WARS2: variants seen among roughly 807,000 people sequenced by gnomAD.
WARS2 encodes tryptophanyl tRNA synthetase 2, mitochondrial.
WARS2 carries 28 observed loss-of-function variants against 36.5 expected under a neutral mutation model. That is an observed-to-expected ratio of 0.77 (90% CI 0.57 to 1.05). The LOEUF (loss-of-function observed/expected upper bound fraction) is 1.05, where lower values mean the gene tolerates loss of function less well. Among genes scored for constraint, WARS2 ranks in the 50% least tolerant of loss-of-function variants. The pLI is 0.00. For synonymous variants in WARS2, 174 were observed against 178.4 expected (o/e 0.98, Z 0.20); for missense variants, 435 against 456.8 (o/e 0.95, Z 0.44).
intron 1 of WARS2, among the ~76,000 whole-genome samples, chr1:119,130,085 A>G (rs1175573104): frequency 6.6e-6 from 1 of 152,200 alleles, no homozygotes; most frequent in African/African-American, 2.4e-5. Flanking sequence ...TCTACAGAGC[A>G]AAAGTGCTAG....
chr1:119,088,483 A>G (rs1181908170), intron 1 of WARS2, among the ~76,000 whole-genome samples: 1 of 151,398 alleles, frequency 6.6e-6, no homozygotes, highest in African/African-American at 2.4e-5. Context: ...AAAGGACTAA[A>G]AATGTGAAGA....
Position 119,076,607 on chromosome 1 carries a change from T to C in WARS2, c.91A>G (p.Lys31Glu). 1 of 1,614,004 alleles carries C rather than the reference T, an allele frequency of 6.2e-7. No individual in the cohort carries two copies. The change falls in exon 2 of 6, where the codon AAA becomes GAA. Residue 31 changes from lysine to glutamate, a missense_variant and splice_region_variant. Lys to Glu is a moderately conservative substitution (Grantham distance 56). Transcript: ENST00000235521. ...GAAAATACTCGCTTCTTGCTGTCTT[T>C]CTGGAACAAAGGAAAACAAGCATAT... The part of the protein sequence containing the change: ...KGSAAAPALQ[K>E]DSKKRVFSGI...
At chr1:119,082,394 T>C in intron 1 of WARS2, 1 of 985,458 alleles carries the variant, frequency 1.0e-6, no homozygotes, top group Non-Finnish European at 1.2e-6. Flanking sequence ...CTTCTTGTGA[T>C]GAAATTTAGC....
At chr1:119,072,688 G>A (rs587681484) in intron 2 of WARS2, among the ~76,000 whole-genome samples, 1 of 152,196 alleles carries the variant, frequency 6.6e-6, no homozygotes, top group East Asian at 1.9e-4. Flanking sequence ...GTCATTTTTG[G>A]GAGAGTCAGG....
At chr1:119,052,790 A>G (rs1314538948) in intron 2 of WARS2, among the ~76,000 whole-genome samples, 2 of 152,200 alleles carry the variant, frequency 1.3e-5, no homozygotes, top group Non-Finnish European at 2.9e-5. Flanking sequence ...CTTTCACATG[A>G]CATATTGGTA....
At chr1:119,108,999 T>C (rs1654434386) in intron 1 of WARS2, among the ~76,000 whole-genome samples, 3 of 151,996 alleles carry the variant, frequency 2.0e-5, no homozygotes, top group Non-Finnish European at 4.4e-5. Context: ...GTTTGTTGTT[T>C]AATCATCAAG....
intron 1 of WARS2, chr1:119,085,456 C>G: frequency 6.6e-7 from 1 of 1,519,326 alleles, no homozygotes; most frequent in South Asian, 1.2e-5. Context: ...GTCTCTTTTT[C>G]TTTTTTTCCT....
chr1:119,045,891 T>C (rs1648767397), intron 2 of WARS2, among the ~76,000 whole-genome samples: 1 of 152,158 alleles, frequency 6.6e-6, no homozygotes. Context: ...TTAAGTCTAC[T>C]CCACAATACC....
intron 1 of WARS2, chr1:119,084,982 A>C: frequency 3.9e-6 from 2 of 514,108 alleles, no homozygotes; most frequent in Non-Finnish European, 3.6e-6. Context: ...AAATCTACCG[A>C]GCAGCTGAAC....
intron 1 of WARS2, among the ~76,000 whole-genome samples, chr1:119,135,188 T>C (rs1281510771): frequency 6.6e-6 from 1 of 152,218 alleles, no homozygotes; most frequent in Non-Finnish European, 1.5e-5. Context: ...ATCCATCATA[T>C]GTGGTCCTGA....
In WARS2 at chr1:119,042,338, G is replaced by C; in HGVS notation, c.441C>G (p.Thr147=). ...CCACCGTGCCATCGTGCTTCTGCTT[G>C]GTAGTCTTTGCCTGTGAGAGGTGAA... ...QHLHQWKAKT[T]KQKHDGTVGL... is the part of the protein sequence containing the mutation. Residue 147 remains threonine (T), a synonymous_variant, in exon 4 of 6, where the codon ACC becomes ACG. Coordinates refer to ENST00000235521, the MANE Select transcript of WARS2 (RefSeq NM_015836.4). 6.2e-7 allele frequency: 1 copy of C among 1,613,668 alleles called. No homozygotes were observed. The highest frequency in any genetic ancestry group is 8.5e-7 in the Non-Finnish European group (1 of 1,179,814).
chr1:119,099,150 T>C (rs963548703), intron 1 of WARS2, among the ~76,000 whole-genome samples: 1 of 152,204 alleles, frequency 6.6e-6, no homozygotes, highest in South Asian at 2.1e-4. Flanking sequence ...AGAGTATACA[T>C]TGAACTTATA....
chr1:119,105,645 C>T (rs1654178837), intron 1 of WARS2, among the ~76,000 whole-genome samples: 2 of 152,150 alleles, frequency 1.3e-5, no homozygotes, highest in South Asian at 4.1e-4. Context: ...GCATAATTGG[C>T]TCACACCTAT....
At chr1:119,128,666 C>A (rs1447786911) in intron 1 of WARS2, among the ~76,000 whole-genome samples, 1 of 141,566 alleles carries the variant, frequency 7.1e-6, no homozygotes, top group Admixed American at 7.9e-5. Flanking sequence ...AAATGGTATT[C>A]AGCTGACAGT....
rs73013170 is a variant in WARS2, at chr1:119,050,213, G to C, written c.349-4551C>G. On this transcript the variant is annotated intron_variant, in intron 2 of 5. Coordinates refer to ENST00000235521, the MANE Select transcript of WARS2 (RefSeq NM_015836.4). ...CACTCTTACATTAAGGGCTTGCACT[G>C]GCTTTTCTCTGATAGGAATTGTCTT... Among the ~76,000 whole-genome samples, 1,196 of 152,154 alleles carry C rather than the reference G, an allele frequency of 7.9e-3. 22 individuals carry two copies. Among genetic ancestry groups the C allele is most frequent in the African/African-American group, 0.027 (1,120 of 41,496 alleles).
chr1:119,100,558 T>C (rs973712657), intron 1 of WARS2, among the ~76,000 whole-genome samples: 17 of 152,328 alleles, frequency 1.1e-4, no homozygotes, highest in African/African-American at 4.1e-4. Flanking sequence ...CATCAACAGA[T>C]GAATGGATAA....
chr1:119,079,711 C>T (rs1318150397), intron 1 of WARS2, among the ~76,000 whole-genome samples: 3 of 152,108 alleles, frequency 2.0e-5, no homozygotes, highest in African/African-American at 7.2e-5. Context: ...ATTTTCCTCT[C>T]AACTCCTAAG....
At chr1:119,084,974 A>T in intron 1 of WARS2, 1 of 478,118 alleles carries the variant, frequency 2.1e-6, no homozygotes, top group Non-Finnish European at 3.8e-6. Context: ...TTATTTCCAA[A>T]TCTACCGAGC....
chr1:119,118,175 T>TA (rs1264778126), intron 1 of WARS2, among the ~76,000 whole-genome samples: 2 of 151,750 alleles, frequency 1.3e-5, no homozygotes, highest in East Asian at 3.9e-4. Context: ...TAAATAAATT[T>TA]AAAAAAATAC....
Sources: allele counts gnomAD v4.1 joint callset (sites outside exome capture counted in the v4.1 genomes callset), GRCh38; gene constraint gnomAD v4.1.1; transcripts MANE v1.5; gene names NCBI Gene and HGNC (gene_info 2026-07-23, HGNC 2026-07-21).